Variants in MARCHF3 observed in about 807,000 individuals in gnomAD.
MARCHF3 encodes membrane associated ring-CH-type finger 3.
MARCHF3 carries 13 observed loss-of-function variants against 24.2 expected under a neutral mutation model. The ratio of observed to expected loss-of-function variants is 0.54; its 90% confidence interval spans 0.35 to 0.85. MARCHF3 has a LOEUF of 0.85. Among genes scored for constraint, MARCHF3 ranks in the 40% least tolerant of loss-of-function variants. The probability of loss-of-function intolerance (pLI) is 0.01; values close to 1 mark genes in which losing one functional copy is unlikely to be tolerated. For missense variants in MARCHF3, 276 were observed against 325.0 expected, an observed-to-expected ratio of 0.85 and a Z score of 1.16; for synonymous variants, 144 against 137.3, an observed-to-expected ratio of 1.05 and a Z score of -0.34.
intron 3 of MARCHF3, among the ~76,000 whole-genome samples, chr5:126,908,487 T>C (rs1040738792): frequency 2.6e-5 from 4 of 152,232 alleles, no homozygotes; most frequent in African/African-American, 7.2e-5. Flanking sequence ...TCTTTTCACA[T>C]AGTCCCATAT....
intron 1 of MARCHF3, among the ~76,000 whole-genome samples, chr5:126,993,600 C>T (rs999880892): frequency 1.3e-5 from 2 of 152,144 alleles, no homozygotes; most frequent in Admixed American, 1.3e-4. Flanking sequence ...AGCTTATCTA[C>T]AAAGCTGCTC....
At chr5:127,020,191 C>T (rs1752749271) in intron 1 of MARCHF3, among the ~76,000 whole-genome samples, 1 of 152,212 alleles carries the variant, frequency 6.6e-6, no homozygotes, top group Non-Finnish European at 1.5e-5. Flanking sequence ...TTTCATTGGT[C>T]TTCTGTTGCT....
At chr5:127,019,741 G>C (rs1752734967) in intron 1 of MARCHF3, among the ~76,000 whole-genome samples, 1 of 152,186 alleles carries the variant, frequency 6.6e-6, no homozygotes, top group Admixed American at 6.5e-5. Context: ...CCTGCCACCT[G>C]CCTTACTTTT....
intron 1 of MARCHF3, among the ~76,000 whole-genome samples, chr5:126,964,039 T>A (rs779549085): frequency 6.6e-6 from 1 of 152,194 alleles, no homozygotes; most frequent in African/African-American, 2.4e-5. Flanking sequence ...TGACAGCCTA[T>A]CTTCAGTTGA....
chr5:126,922,541 TTTATTTATTTA>T (rs1201871034), intron 1 of MARCHF3, among the ~76,000 whole-genome samples: 1 of 149,704 alleles, frequency 6.7e-6, no homozygotes, highest in Non-Finnish European at 1.5e-5. Context: ...TATTTATTTA[TTTATTTATTTA>T]TTATTTATTT....
intron 1 of MARCHF3, among the ~76,000 whole-genome samples, chr5:126,930,179 C>A (rs1276478182): frequency 6.6e-6 from 1 of 152,152 alleles, no homozygotes; most frequent in Admixed American, 6.5e-5. Context: ...TAAAGGGACA[C>A]AAAGCAAGTC....
intron 3 of MARCHF3, among the ~76,000 whole-genome samples, chr5:126,908,457 C>T (rs930781924): frequency 6.6e-6 from 1 of 152,202 alleles, no homozygotes; most frequent in Non-Finnish European, 1.5e-5. Flanking sequence ...TTCAGGTACA[C>T]CAATCAGACA....
At chr5:126,952,367 A>G (rs1750275405) in intron 1 of MARCHF3, among the ~76,000 whole-genome samples, 1 of 152,218 alleles carries the variant, frequency 6.6e-6, no homozygotes, top group Non-Finnish European at 1.5e-5. Context: ...GTATATTCTC[A>G]TAATAATGCA....
intron 3 of MARCHF3, among the ~76,000 whole-genome samples, chr5:126,881,686 TA>T (rs1220064377): frequency 2.6e-5 from 4 of 152,226 alleles, no homozygotes; most frequent in African/African-American, 9.6e-5. Context: ...ATGTAAGACA[TA>T]TTTACACAAA....
rs1753662760 is a variant in MARCHF3, at chr5:126,890,786, C to G, written c.394-12392G>C. Among the ~76,000 whole-genome samples, 8 of 150,184 alleles carry G rather than the reference C, an allele frequency of 5.3e-5. No homozygotes were observed. In the South Asian group the frequency reaches 1.7e-3, roughly 32 times the overall value. ...TCTTTATAGCAGCATGATTTATAGT[C>G]CTTTGGGTATATACCCAGTAATGGG... On this transcript the variant is annotated intron_variant, in intron 3 of 4. Transcript: ENST00000308660.
intron 3 of MARCHF3, among the ~76,000 whole-genome samples, chr5:126,911,055 G>C (rs190287665): frequency 6.6e-6 from 1 of 152,170 alleles, no homozygotes; most frequent in Non-Finnish European, 1.5e-5. Flanking sequence ...TTATTAGGAC[G>C]AGGAAATTCC....
chr5:126,980,589 T>G (rs978536303), intron 1 of MARCHF3, among the ~76,000 whole-genome samples: 1 of 152,136 alleles, frequency 6.6e-6, no homozygotes, highest in Non-Finnish European at 1.5e-5. Flanking sequence ...CAGGATCGTC[T>G]CAATCTCCTG....
chr5:126,930,379 T>C (rs189928002), intron 1 of MARCHF3, among the ~76,000 whole-genome samples: 1 of 150,022 alleles, frequency 6.7e-6, no homozygotes, highest in Non-Finnish European at 1.5e-5. Flanking sequence ...TAAACCATTA[T>C]CTTCTTTTGC....
At chr5:127,027,716 C>T (rs1190288715) in intron 1 of MARCHF3, among the ~76,000 whole-genome samples, 1 of 152,220 alleles carries the variant, frequency 6.6e-6, no homozygotes, top group Non-Finnish European at 1.5e-5. Context: ...AGAGTTAATG[C>T]ATTACCTATA....
intron 1 of MARCHF3, among the ~76,000 whole-genome samples, chr5:126,930,295 A>C (rs1237401885): frequency 6.6e-6 from 1 of 152,154 alleles, no homozygotes; most frequent in Non-Finnish European, 1.5e-5. Flanking sequence ...GGTAGATACA[A>C]TCTTTCCTTA....
chr5:126,965,005 A>T (rs1421290726), intron 1 of MARCHF3, among the ~76,000 whole-genome samples: 2 of 150,998 alleles, frequency 1.3e-5, no homozygotes, highest in Non-Finnish European at 2.9e-5. Flanking sequence ...AAAGGAGAGA[A>T]GAAACATGTT....
chr5:126,905,762 C>G (rs945431010), intron 3 of MARCHF3, among the ~76,000 whole-genome samples: 23 of 151,970 alleles, frequency 1.5e-4, no homozygotes, highest in African/African-American at 5.6e-4. Context: ...CGTCTGCAAA[C>G]AGGGACAATT....
At chr5:126,882,856 C>T (rs1753387036) in intron 3 of MARCHF3, among the ~76,000 whole-genome samples, 1 of 152,282 alleles carries the variant, frequency 6.6e-6, no homozygotes, top group Middle Eastern at 3.4e-3. Context: ...TTATCACTGC[C>T]ATTTTATAGA....
At chr5:126,954,398 T>C (rs1282745113) in intron 1 of MARCHF3, among the ~76,000 whole-genome samples, 1 of 149,908 alleles carries the variant, frequency 6.7e-6, no homozygotes, top group African/African-American at 2.5e-5. Flanking sequence ...TGAGACAGGG[T>C]CTCGTTCTGT....
Sources: allele counts gnomAD v4.1 joint callset (sites outside exome capture counted in the v4.1 genomes callset), GRCh38; gene constraint gnomAD v4.1.1; transcripts MANE v1.5; gene names NCBI Gene and HGNC (gene_info 2026-07-23, HGNC 2026-07-21).